The following NUBPL variants were observed in gnomAD, a reference collection of about 807,000 sequenced individuals.
NUBPL encodes the protein iron-sulfur cluster transfer protein NUBPL.
In NUBPL, 31 loss-of-function variants were observed where a neutral mutation model predicts 45.7. The observed-to-expected ratio is 0.68, with a 90% CI of 0.51 to 0.92. NUBPL has a LOEUF of 0.92. Ranked by LOEUF, NUBPL falls within the 40% of genes least tolerant of loss-of-function variation. The pLI is 0.00. For missense variants in NUBPL, 401 were observed against 398.7 expected, an observed-to-expected ratio of 1.01 and a Z score of -0.05; for synonymous variants, 144 against 140.9, an observed-to-expected ratio of 1.02 and a Z score of -0.15.
intron 3 of NUBPL, among the ~76,000 whole-genome samples, chr14:31,586,515 A>G (rs1239927571): frequency 6.6e-6 from 1 of 152,180 alleles, no homozygotes; most frequent in Non-Finnish European, 1.5e-5. Context: ...AGTGCGGTGG[A>G]GTGGCATTTC....
chr14:31,572,746 G>T (rs757122738), intron 3 of NUBPL, among the ~76,000 whole-genome samples: 1 of 152,046 alleles, frequency 6.6e-6, no homozygotes, highest in Non-Finnish European at 1.5e-5. Context: ...TGCATCATTA[G>T]GCGACTTCAT....
chr14:31,592,423 A>T (rs1489287005), intron 3 of NUBPL, among the ~76,000 whole-genome samples: 1 of 152,174 alleles, frequency 6.6e-6, no homozygotes, highest in Admixed American at 6.5e-5. Context: ...GTAATAACAC[A>T]ATCTGACTTA....
At chr14:31,724,935 A>T (rs1396876053) in intron 6 of NUBPL, among the ~76,000 whole-genome samples, 1 of 152,130 alleles carries the variant, frequency 6.6e-6, no homozygotes, top group South Asian at 2.1e-4. Flanking sequence ...GGAGTGAGCC[A>T]TCCAGGTATT....
chr14:31,669,809 G>GTTTTTTT (rs35705230), intron 4 of NUBPL, among the ~76,000 whole-genome samples: 1 of 51,530 alleles, frequency 1.9e-5, no homozygotes, highest in East Asian at 5.3e-4. Context: ...TTTTTTTTTT[G>GTTTTTTT]TTTTTTTTTT....
intron 6 of NUBPL, among the ~76,000 whole-genome samples, chr14:31,716,799 G>A (rs2037698583): frequency 6.6e-6 from 1 of 152,098 alleles, no homozygotes; most frequent in Admixed American, 6.5e-5. Flanking sequence ...CTTTTCTTGT[G>A]ACAGAGACTT....
intron 10 of NUBPL, among the ~76,000 whole-genome samples, chr14:31,851,444 T>C (rs2040537719): frequency 6.6e-6 from 1 of 152,132 alleles, no homozygotes. Flanking sequence ...TCATTTTGAG[T>C]GATCTGTTTT....
intron 6 of NUBPL, among the ~76,000 whole-genome samples, chr14:31,711,011 A>C (rs1322684096): frequency 6.6e-6 from 1 of 152,260 alleles, no homozygotes; most frequent in East Asian, 1.9e-4. Flanking sequence ...TTTTAGAAGC[A>C]GGACTAACCT....
At chr14:31,746,570 T>C (rs58675313) in intron 6 of NUBPL, among the ~76,000 whole-genome samples, 10,398 of 152,054 alleles carry the variant, frequency 0.068, 488 homozygotes, top group Non-Finnish European at 0.093. Flanking sequence ...AATGCACTAT[T>C]AGATTTGGTT....
intron 10 of NUBPL, 101 bp downstream of exon 10, chr14:31,850,302 A>G: frequency 1.2e-6 from 1 of 854,896 alleles, no homozygotes; most frequent in Non-Finnish European, 1.9e-6. Context: ...TGCAGTGCAT[A>G]TATATTTAAA....
chr14:31,724,880 A>C (rs951953140), intron 6 of NUBPL, among the ~76,000 whole-genome samples: 10 of 152,184 alleles, frequency 6.6e-5, no homozygotes, highest in Admixed American at 6.5e-4. Flanking sequence ...GGGAAGGCTT[A>C]TCTGAGAAGG....
chr14:31,760,489 C>T (rs1262406355), intron 6 of NUBPL, among the ~76,000 whole-genome samples: 3 of 152,076 alleles, frequency 2.0e-5, no homozygotes, highest in Admixed American at 2.0e-4. Flanking sequence ...AACACTCCCC[C>T]ATTCTTCCAC....
intron 7 of NUBPL, among the ~76,000 whole-genome samples, chr14:31,818,813 G>C (rs981878264): frequency 6.6e-6 from 1 of 152,220 alleles, no homozygotes; most frequent in African/African-American, 2.4e-5. Flanking sequence ...CTCCCAAAGT[G>C]CTGGGATTAC....
chr14:31,595,693 A>G (rs1293594570), intron 3 of NUBPL, among the ~76,000 whole-genome samples: 2 of 152,226 alleles, frequency 1.3e-5, no homozygotes, highest in Non-Finnish European at 2.9e-5. Flanking sequence ...CATACTTAAA[A>G]TAGGAGCCTA....
At chr14:31,587,827 T>A (rs1253906143) in intron 3 of NUBPL, among the ~76,000 whole-genome samples, 1 of 152,212 alleles carries the variant, frequency 6.6e-6, no homozygotes, top group Non-Finnish European at 1.5e-5. Context: ...AAACAGACAA[T>A]ATAAATTCAG....
chr14:31,852,575 G>A (rs541768579), intron 10 of NUBPL, among the ~76,000 whole-genome samples: 1 of 152,264 alleles, frequency 6.6e-6, no homozygotes, highest in Admixed American at 6.5e-5. Context: ...GGAGGCTGAG[G>A]CAGGAGAATC....
chr14:31,640,979 G>T (rs1388280409), intron 4 of NUBPL, among the ~76,000 whole-genome samples: 1 of 151,784 alleles, frequency 6.6e-6, no homozygotes, highest in African/African-American at 2.4e-5. Flanking sequence ...TTGAGACAGA[G>T]TCCCACTCTG....
At chr14:31,675,983 C>T (rs12101002) in intron 6 of NUBPL, among the ~76,000 whole-genome samples, 5,807 of 151,678 alleles carry the variant, frequency 0.038, 155 homozygotes, top group African/African-American at 0.083. Context: ...GTGAGTTTTA[C>T]ATGTTTTTAA....
At chr14:31,793,828 C>CTTTTTTTTTTTTTT (rs55698198) in intron 7 of NUBPL, among the ~76,000 whole-genome samples, 30 of 127,566 alleles carry the variant, frequency 2.4e-4, no homozygotes, top group Admixed American at 2.5e-4. Context: ...CCTTATCTTT[C>CTTTTTTTTTTTTTT]TTTTTTTTTT....
chr14:31,776,117 A>G (rs1317441707), intron 6 of NUBPL, among the ~76,000 whole-genome samples: 1 of 152,142 alleles, frequency 6.6e-6, no homozygotes, highest in African/African-American at 2.4e-5. Flanking sequence ...TGGTATTCTT[A>G]TTTTAAGAGA....
Sources: allele counts gnomAD v4.1 joint callset (sites outside exome capture counted in the v4.1 genomes callset), GRCh38; gene constraint gnomAD v4.1.1; transcripts MANE v1.5; gene names NCBI Gene and HGNC (gene_info 2026-07-23, HGNC 2026-07-21).